Variants in SLC25A26 observed in about 807,000 individuals in gnomAD.
SLC25A26 encodes the protein mitochondrial S-adenosylmethionine carrier protein.
Under a neutral mutation model 37.8 loss-of-function variants are expected in SLC25A26, and 36 were observed. That is an observed-to-expected ratio of 0.95 (90% CI 0.73 to 1.26). The LOEUF (loss-of-function observed/expected upper bound fraction) is 1.26. SLC25A26 is among the 50% of genes most tolerant of loss of function. SLC25A26 has a pLI of 0.00. For synonymous variants in SLC25A26, 129 were observed against 122.5 expected, an observed-to-expected ratio of 1.05 and a Z score of -0.35; for missense variants, 390 against 331.1, an observed-to-expected ratio of 1.18 and a Z score of -1.38.
chr3:66,175,140 T>TACACAC (rs1227038410), intron 1 of SLC25A26, among the ~76,000 whole-genome samples: 13 of 67,002 alleles, frequency 1.9e-4, no homozygotes, highest in African/African-American at 7.7e-4. Context: ...TATATATATA[T>TACACAC]ACACACACAC....
At chr3:66,292,566 C>T (rs201012383) in intron 5 of SLC25A26, among the ~76,000 whole-genome samples, 6 of 152,054 alleles carry the variant, frequency 3.9e-5, no homozygotes, top group Admixed American at 2.0e-4. Context: ...AAGCTTAGTT[C>T]GGCTGGATTT....
intron 1 of SLC25A26, among the ~76,000 whole-genome samples, chr3:66,136,598 G>T (rs1217946384): frequency 6.6e-6 from 1 of 152,182 alleles, no homozygotes; most frequent in Admixed American, 6.5e-5. Flanking sequence ...TCCAGTTGAT[G>T]CTTATATTTC....
chr3:66,362,079 C>T (rs558095128), intron 6 of SLC25A26, among the ~76,000 whole-genome samples: 1 of 152,126 alleles, frequency 6.6e-6, no homozygotes, highest in East Asian at 1.9e-4. Context: ...GTGGAGAAAC[C>T]AGAACTCAAG....
At chr3:66,215,641 T>C (rs1002691453) in intron 1 of SLC25A26, among the ~76,000 whole-genome samples, 2 of 152,208 alleles carry the variant, frequency 1.3e-5, no homozygotes, top group African/African-American at 4.8e-5. Context: ...TAATTTTAAA[T>C]GCAAACATAA....
intron 5 of SLC25A26, among the ~76,000 whole-genome samples, chr3:66,286,676 T>G (rs2074523648): frequency 6.6e-6 from 1 of 152,184 alleles, no homozygotes; most frequent in Non-Finnish European, 1.5e-5. Flanking sequence ...CTTCGTTTTT[T>G]AATTTAATTT....
At chr3:66,231,146 G>T (rs2072007691) in intron 1 of SLC25A26, among the ~76,000 whole-genome samples, 1 of 152,224 alleles carries the variant, frequency 6.6e-6, no homozygotes, top group African/African-American at 2.4e-5. Flanking sequence ...CTGCACTCCA[G>T]ATGGGGTGAC....
At chr3:66,322,462 G>C (rs368518035) in intron 5 of SLC25A26, among the ~76,000 whole-genome samples, 1 of 152,140 alleles carries the variant, frequency 6.6e-6, no homozygotes, top group South Asian at 2.1e-4. Context: ...TTCTTATTAA[G>C]ACAAACCTCT....
intron 9 of SLC25A26, among the ~76,000 whole-genome samples, chr3:66,376,399 A>C (rs1345620326): frequency 1.3e-5 from 2 of 152,150 alleles, no homozygotes; most frequent in African/African-American, 4.8e-5. Context: ...TGCAACAATT[A>C]CTATTTTTAG....
At chr3:66,141,461 T>G (rs944819299) in intron 1 of SLC25A26, among the ~76,000 whole-genome samples, 2 of 151,920 alleles carry the variant, frequency 1.3e-5, no homozygotes, top group African/African-American at 4.8e-5. Context: ...GTCATGAGGA[T>G]GATAATGATG....
At chr3:66,148,477 C>G (rs2070152131) in intron 1 of SLC25A26, among the ~76,000 whole-genome samples, 1 of 152,152 alleles carries the variant, frequency 6.6e-6, no homozygotes, top group African/African-American at 2.4e-5. Context: ...GGGGAAGCAC[C>G]CTAGCTTTCC....
chr3:66,182,522 T>C (rs1265846474), intron 1 of SLC25A26, among the ~76,000 whole-genome samples: 4 of 151,896 alleles, frequency 2.6e-5, no homozygotes, highest in African/African-American at 9.7e-5. Flanking sequence ...TTTCATAGAG[T>C]CTTCAGAAAA....
At chr3:66,240,465 T>C (rs1262204919) in intron 2 of SLC25A26, among the ~76,000 whole-genome samples, 1 of 152,076 alleles carries the variant, frequency 6.6e-6, no homozygotes, top group Non-Finnish European at 1.5e-5. Context: ...TTATTTATTT[T>C]TTTGTAGAGA....
chr3:66,310,610 G>T (rs1277948701), intron 5 of SLC25A26, among the ~76,000 whole-genome samples: 1 of 152,146 alleles, frequency 6.6e-6, no homozygotes, highest in Non-Finnish European at 1.5e-5. Flanking sequence ...ACAATTTGTT[G>T]TTTTTGCAGT....
At chr3:66,231,982 A>C (rs2072055721) in intron 1 of SLC25A26, among the ~76,000 whole-genome samples, 2 of 152,232 alleles carry the variant, frequency 1.3e-5, no homozygotes, top group East Asian at 3.9e-4. Flanking sequence ...ATTTGTGTAT[A>C]GCTTAATTTA....
At chr3:66,306,959 G>C (rs2075243282) in intron 5 of SLC25A26, among the ~76,000 whole-genome samples, 1 of 151,514 alleles carries the variant, frequency 6.6e-6, no homozygotes, top group Non-Finnish European at 1.5e-5. Flanking sequence ...TAGTGCTGCA[G>C]TAAACATATG....
chr3:66,252,341 A>G (rs1402763783), intron 3 of SLC25A26, among the ~76,000 whole-genome samples: 2 of 152,338 alleles, frequency 1.3e-5, no homozygotes, highest in Non-Finnish European at 2.9e-5. Flanking sequence ...AAGAAATTTG[A>G]TCCCCGTTTT....
At chr3:66,167,248 C>G (rs1242350640) in intron 1 of SLC25A26, among the ~76,000 whole-genome samples, 1 of 151,528 alleles carries the variant, frequency 6.6e-6, no homozygotes, top group Non-Finnish European at 1.5e-5. Flanking sequence ...GCCACTTAGA[C>G]TTTCCACACG....
In SLC25A26 at chr3:66,228,846, T is replaced by A. The variant is rs181979643; in HGVS notation, c.34-7698T>A. ...TGAACACTTATATTTCTCTTTAAGT[T>A]TTTGAAGTTGATGCTGAATGTTCCT... is the stretch of plus-strand genomic sequence containing the variant. On this transcript the variant is annotated intron_variant, in intron 1 of 9. Coordinates refer to ENST00000354883, the MANE Select transcript of SLC25A26 (RefSeq NM_001379210.1). Among the ~76,000 whole-genome samples, 716 of 152,314 alleles carry A rather than the reference T, an allele frequency of 4.7e-3. 7 individuals carry two copies. Among genetic ancestry groups the A allele is most frequent in the African/African-American group, 0.016 (682 of 41,570 alleles).
chr3:66,318,579 C>T (rs2075604892), intron 5 of SLC25A26, among the ~76,000 whole-genome samples: 1 of 151,996 alleles, frequency 6.6e-6, no homozygotes, highest in Non-Finnish European at 1.5e-5. Flanking sequence ...CATTTTTGTC[C>T]TTCTCAGTGG....
Sources: allele counts gnomAD v4.1 joint callset (sites outside exome capture counted in the v4.1 genomes callset), GRCh38; gene constraint gnomAD v4.1.1; transcripts MANE v1.5; gene names NCBI Gene and HGNC (gene_info 2026-07-23, HGNC 2026-07-21).